Variants in SMARCA4 observed in about 807,000 individuals in gnomAD.
SMARCA4 encodes SWI/SNF-related matrix-associated actin-dependent regulator of chromatin subfamily A member 4.
SMARCA4 carries 31 observed loss-of-function variants against 193.9 expected under a neutral mutation model. That is an observed-to-expected ratio of 0.16 (90% CI 0.12 to 0.22). SMARCA4 has a LOEUF of 0.22. Ranked by LOEUF, SMARCA4 falls within the 10% of genes least tolerant of loss-of-function variation. SMARCA4 has a pLI of 1.00. For synonymous variants in SMARCA4, 942 were observed against 933.1 expected (o/e 1.01, Z -0.17); for missense variants, 1,148 against 2,296.0 (o/e 0.50, Z 10.22).
Position 11,021,233 on chromosome 19 carries a change from G to A in SMARCA4, c.2617-492G>A, listed in dbSNP as rs369733042. Reference sequence around the variant, plus strand: ...GAGTGCGGCCACTGCGCCCCCTCCCGACCCGCATGGCCCTGTATGTAGTGG... The same window carrying A: ...GAGTGCGGCCACTGCGCCCCCTCCCAACCCGCATGGCCCTGTATGTAGTGG... On this transcript the variant is annotated intron_variant, in intron 18 of 34. Transcript: ENST00000344626. 14 of 255,884 alleles carry A rather than the reference G, an allele frequency of 5.5e-5. No homozygotes were observed. In the East Asian group the frequency reaches 1.0e-3, roughly 18 times the overall value. The allele number at this position is 255,884 out of a possible 1,614,324, so 15.9% of individuals were successfully genotyped here.
In SMARCA4 at chr19:10,986,319, G is replaced by A. The variant is rs34149887; in HGVS notation, c.486G>A (p.Leu162=). 6.2e-7 allele frequency: 1 copy of A among 1,613,670 alleles called. No homozygotes were observed. ...APLDGADPQA[L]GQQNRGPTPF... is the part of the protein sequence containing the mutation. ...TGGATGGTGCTGACCCCCAGGCCTTGGGGCAGCAGAACCGGGGCCCAACCC... is the reference window on the plus strand; with the variant it reads ...TGGATGGTGCTGACCCCCAGGCCTTAGGGCAGCAGAACCGGGGCCCAACCC... The change falls in exon 4 of 35, where the codon TTG becomes TTA. Residue 162 remains leucine (L), a synonymous_variant. Transcript: ENST00000344626. The surrounding 1 kb of genome is among the most constrained non-coding windows in gnomAD (Gnocchi z 6.7).
intron 7 of SMARCA4, among the ~76,000 whole-genome samples, chr19:10,990,839 G>A (rs772808334): frequency 3.5e-4 from 53 of 152,224 alleles, no homozygotes; most frequent in Non-Finnish European, 6.3e-4. Flanking sequence ...GATTACTGGC[G>A]TTAAGCCACC....
intron 11 of SMARCA4, among the ~76,000 whole-genome samples, chr19:10,999,126 G>A (rs1460677520): frequency 6.6e-6 from 1 of 151,928 alleles, no homozygotes; most frequent in Non-Finnish European, 1.5e-5. Flanking sequence ...GGCTGGTCTC[G>A]AACTCCTGAG....
intron 1 of SMARCA4, among the ~76,000 whole-genome samples, chr19:10,968,344 G>C (rs780399000): frequency 5.3e-5 from 8 of 152,088 alleles, no homozygotes; most frequent in Admixed American, 2.6e-4. Context: ...TGGGGACTCT[G>C]TTACCTCCCT....
chr19:10,996,175 T>G, intron 9 of SMARCA4, 38 bp from the exon 10 acceptor site: 1 of 1,611,132 alleles, frequency 6.2e-7, no homozygotes, highest in East Asian at 2.2e-5. Flanking sequence ...ACATGCACAT[T>G]GTGCCACCAC....
rs902011022 is a variant in SMARCA4 at position 11,034,696 on chromosome 19, C to T, written c.3952-218C>T. Among the ~76,000 whole-genome samples, 3 of 152,186 alleles carry T rather than the reference C, an allele frequency of 2.0e-5. No homozygotes were observed. The highest frequency in any genetic ancestry group is 7.2e-5 in the African/African-American group (3 of 41,452). On this transcript the variant is annotated intron_variant, in intron 28 of 34. Coordinates refer to ENST00000344626, the MANE Select transcript of SMARCA4 (RefSeq NM_003072.5). The surrounding 1 kb of genome is among the most constrained non-coding windows in gnomAD (Gnocchi z 7.0). The stretch of plus-strand genomic sequence containing the variant: ...CCTCTTGTGCAACCTTCCATCTTTT[C>T]GAGTTTCCTCTGCCTCCTGAGGCAG...
At chr19:10,969,618 C>T (rs571622061) in intron 1 of SMARCA4, among the ~76,000 whole-genome samples, 19 of 151,428 alleles carry the variant, frequency 1.3e-4, no homozygotes, top group African/African-American at 4.1e-4. Flanking sequence ...TTAGTAGAGA[C>T]GGGGTTTCTC....
intron 1 of SMARCA4, chr19:10,961,516 C>T (rs76499861): frequency 0.24 from 35,993 of 152,028 alleles, 4,289 homozygotes; most frequent in South Asian, 0.31. Flanking sequence ...CTCCCAATTA[C>T]AGCGGCTGCA....
intron 30 of SMARCA4, among the ~76,000 whole-genome samples, chr19:11,054,574 C>T (rs1272628339): frequency 6.6e-6 from 1 of 152,184 alleles, no homozygotes; most frequent in East Asian, 1.9e-4. Flanking sequence ...GTGGGTGGAT[C>T]AGGAGGTCAG....
At chr19:10,979,512 C>T (rs2085396743) in intron 1 of SMARCA4, among the ~76,000 whole-genome samples, 1 of 150,108 alleles carries the variant, frequency 6.7e-6, no homozygotes, top group South Asian at 2.1e-4. Context: ...CCCTACTCAG[C>T]CTCCTGAGTA....
Position 10,967,899 on chromosome 19 carries a change from C to T in SMARCA4, c.-32+6725C>T, listed in dbSNP as rs112820026. On this transcript the variant is annotated intron_variant, in intron 1 of 34. Coordinates refer to ENST00000344626, the MANE Select transcript of SMARCA4 (RefSeq NM_003072.5). ...TATTTATTTATTTATTTTTTTGAGA[C>T]GGAGTCTTGCTTAGTTGCCCAGGCT... Among the ~76,000 whole-genome samples, 235 of 149,578 alleles carry T rather than the reference C, an allele frequency of 1.6e-3. 2 individuals carry two copies. Among genetic ancestry groups the T allele is most frequent in the African/African-American group, 5.0e-3 (202 of 40,582 alleles).
intron 24 of SMARCA4, 149 bp downstream of exon 24, chr19:11,028,099 C>T: frequency 2.3e-6 from 2 of 852,518 alleles, no homozygotes; most frequent in Non-Finnish European, 4.0e-6. Context: ...ACAGGCTGAG[C>T]ATCTTGGGCA....
In SMARCA4 at chr19:11,041,424, A is replaced by G. The variant is rs1227801413; in HGVS notation, c.4288A>G (p.Ser1430Gly). 1.9e-6 allele frequency: 3 copies of G among 1,612,480 alleles called. No homozygotes were observed. The East Asian group carries it at 6.7e-5, about 36-fold the overall frequency. The change falls in exon 30 of 35, where the codon AGC becomes GGC. Residue 1430 changes from serine (S) to glycine (G), a missense_variant. Physicochemically the swap from Ser to Gly is moderately conservative, Grantham distance 56 (BLOSUM62 0). This residue lies in a region of SMARCA4 where 141 missense variants were observed against 193.0 expected (regional missense o/e 0.73). Coordinates refer to ENST00000344626, the MANE Select transcript of SMARCA4 (RefSeq NM_003072.5). The surrounding 1 kb of genome is among the most constrained non-coding windows in gnomAD (Gnocchi z 5.6). ...GSSTPTTSTR[S>G]RDKDDESKKQ... ...CTCCACCCCGACCACCAGCACCCGC[A>G]GCCGCGACAAGGACGACGAGAGCAA...
Position 10,987,766 on chromosome 19 carries a change from C to T in SMARCA4, c.960C>T (p.Pro320=), listed in dbSNP as rs531365419. Residue 320 remains proline (P), a synonymous_variant, in exon 6 of 35, where the codon CCC becomes CCT. Transcript: ENST00000344626. This position sits in a 1 kb window ranked among gnomAD's most constrained non-coding sequence, Gnocchi z 5.3. ...RPSPAPPAVP[P]AASPVMPPQT... is the part of the protein sequence containing the mutation. ...CCCCCGCGCCCCCTGCCGTCCCACC[C>T]GCCGCCTCGCCCGTGATGCCACCGC... 286 of 1,598,318 alleles carry T rather than the reference C, an allele frequency of 1.8e-4. No individual in the cohort carries two copies. Among genetic ancestry groups the T allele is most frequent in the Non-Finnish European group, 2.3e-4 (264 of 1,173,016 alleles).
intron 15 of SMARCA4, chr19:11,012,061 G>C (rs1408995639): frequency 1.3e-5 from 2 of 152,006 alleles, no homozygotes; most frequent in African/African-American, 4.8e-5. Flanking sequence ...TTTTCCAAGA[G>C]TCCCATGCAA....
rs781587481 is a variant in SMARCA4 at position 11,027,919 on chromosome 19, G to A, written c.3351G>A (p.Ala1117=). Residue 1117 remains alanine, a synonymous_variant, in exon 24 of 35, where the codon GCG becomes GCA. Coordinates refer to ENST00000344626, the MANE Select transcript of SMARCA4 (RefSeq NM_003072.5). ...SLMTIMEDYF[A]YRGFKYLRLD... is the part of the protein sequence containing the mutation. Reference sequence around the variant, plus strand: ...TGACCATCATGGAAGATTACTTTGCGTATCGCGGCTTTAAATACCTCAGGC... The same window carrying A: ...TGACCATCATGGAAGATTACTTTGCATATCGCGGCTTTAAATACCTCAGGC... 1.2e-5 allele frequency: 20 copies of A among 1,614,058 alleles called. No individual in the cohort carries two copies. The highest frequency in any genetic ancestry group is 1.2e-4 in the African/African-American group (9 of 74,946).
In SMARCA4 at chr19:11,041,061, A is replaced by T; in HGVS notation, c.4171-246A>T. On this transcript the variant is annotated intron_variant, in intron 29 of 34. Transcript: ENST00000344626. This position sits in a 1 kb window ranked among gnomAD's most constrained non-coding sequence, Gnocchi z 5.6. ...TTCTTTTTTTTTGGTCAAGAAATTC[A>T]ACCATTAGTTTTTTAAAGACAAGCT... 1.9e-6 allele frequency: 1 copy of T among 525,726 alleles called. No individual in the cohort carries two copies. Among genetic ancestry groups the T allele is most frequent in the South Asian group, 2.9e-5 (1 of 34,370 alleles). 32.6% of individuals were successfully genotyped at this position (525,726 alleles called of 1,614,324 possible). A position where few individuals can be genotyped will look rare whatever the true frequency, so the allele number is the denominator to read the frequency against.
chr19:10,966,046 G>A (rs181583450), intron 1 of SMARCA4, among the ~76,000 whole-genome samples: 4 of 147,180 alleles, frequency 2.7e-5, no homozygotes, highest in East Asian at 2.0e-4. Flanking sequence ...ACAATGATGC[G>A]GTCCTGGCTC....
chr19:11,039,661 T>C (rs909841196), intron 29 of SMARCA4: 1 of 519,424 alleles, frequency 1.9e-6, no homozygotes, highest in South Asian at 3.5e-5. Context: ...GTAAATTTTA[T>C]GTTATATATG....
Sources: allele counts gnomAD v4.1 joint callset (sites outside exome capture counted in the v4.1 genomes callset), GRCh38; gene constraint gnomAD v4.1.1; regional missense constraint gnomAD v4.1.1; non-coding constraint Gnocchi (gnomAD v3.1); transcripts MANE v1.5; gene names NCBI Gene and HGNC (gene_info 2026-07-23, HGNC 2026-07-21).